Variants in ERI3 observed in about 807,000 individuals in gnomAD.
ERI3 encodes the protein ERI1 exoribonuclease 3.
In ERI3, 18 loss-of-function variants were observed where a neutral mutation model predicts 44.4. The observed-to-expected ratio is 0.41, with a 90% CI of 0.28 to 0.60. The LOEUF (loss-of-function observed/expected upper bound fraction) is 0.60. Among genes scored for constraint, ERI3 ranks in the 20% least tolerant of loss-of-function variants. ERI3 has a pLI of 0.36. For synonymous variants in ERI3, 183 were observed against 164.8 expected, an observed-to-expected ratio of 1.11 and a Z score of -0.84; for missense variants, 294 against 435.5, an observed-to-expected ratio of 0.68 and a Z score of 2.89.
chr1:44,233,176 G>C (rs1644225488), intron 8 of ERI3, among the ~76,000 whole-genome samples: 1 of 152,094 alleles, frequency 6.6e-6, no homozygotes. Context: ...CCAATCTCCA[G>C]TGTTCCTGAT....
chr1:44,314,779 C>T (rs529278800), intron 4 of ERI3, among the ~76,000 whole-genome samples: 6 of 152,270 alleles, frequency 3.9e-5, no homozygotes, highest in Admixed American at 1.3e-4. Flanking sequence ...CGGGCTGGGC[C>T]GCATTACAGG....
chr1:44,287,688 T>C (rs1406869294), intron 6 of ERI3, among the ~76,000 whole-genome samples: 1 of 152,264 alleles, frequency 6.6e-6, no homozygotes, highest in East Asian at 1.9e-4. Flanking sequence ...CCTTAGGAGC[T>C]AGAATGTGGT....
intron 8 of ERI3, among the ~76,000 whole-genome samples, chr1:44,225,138 T>A (rs1178027654): frequency 2.0e-5 from 3 of 152,090 alleles, no homozygotes; most frequent in African/African-American, 7.2e-5. Flanking sequence ...CAGGCTTGCC[T>A]TCCAGCACCT....
chr1:44,319,096 G>C (rs752979228), intron 4 of ERI3, among the ~76,000 whole-genome samples: 59 of 152,202 alleles, frequency 3.9e-4, no homozygotes, highest in Non-Finnish European at 4.1e-4. Flanking sequence ...TACCCACCTA[G>C]GATAAGCAGA....
intron 6 of ERI3, among the ~76,000 whole-genome samples, chr1:44,298,824 G>A (rs1174150559): frequency 6.6e-6 from 1 of 152,234 alleles, no homozygotes; most frequent in Non-Finnish European, 1.5e-5. Context: ...AGGTTGGGGT[G>A]AGAGGATGAC....
chr1:44,302,443 G>A (rs1645746271), intron 6 of ERI3, among the ~76,000 whole-genome samples: 1 of 152,208 alleles, frequency 6.6e-6, no homozygotes, highest in African/African-American at 2.4e-5. Context: ...GTACCAACTG[G>A]TACACCTGTG....
At chr1:44,349,564 A>G (rs1646850944) in intron 2 of ERI3, among the ~76,000 whole-genome samples, 1 of 152,206 alleles carries the variant, frequency 6.6e-6, no homozygotes. Flanking sequence ...GGCTGCCACC[A>G]CAAGCAGCTA....
rs760918764 is a variant in ERI3 at position 44,355,067 on chromosome 1, C to A, written c.-41G>T. 3.8e-5 allele frequency: 51 copies of A among 1,328,460 alleles called. No individual in the cohort carries two copies. The highest frequency in any genetic ancestry group is 4.9e-5 in the Non-Finnish European group (51 of 1,035,022). The allele number at this position is 1,328,460 out of a possible 1,614,324, so 82.3% of individuals were successfully genotyped here. A position where few individuals can be genotyped will look rare whatever the true frequency, so the allele number is the denominator to read the frequency against. On this transcript the variant is annotated 5_prime_UTR_variant, in exon 1 of 9. Transcript: ENST00000372257. ...TCGGGGCCAGCGCGGCAGGCTCCCT[C>A]CAGGTGCAGGCCCCGACGTCTCCCT...
chr1:44,317,307 G>A (rs185398161), intron 4 of ERI3, among the ~76,000 whole-genome samples: 46 of 152,256 alleles, frequency 3.0e-4, no homozygotes, highest in Non-Finnish European at 5.3e-4. Context: ...ATCCCCACCC[G>A]CAAAAGGCAC....
chr1:44,286,611 A>G (rs930411306), intron 6 of ERI3, among the ~76,000 whole-genome samples: 1 of 152,200 alleles, frequency 6.6e-6, no homozygotes, highest in African/African-American at 2.4e-5. Context: ...TTGAGCTAAA[A>G]TGAAACCAGG....
intron 6 of ERI3, among the ~76,000 whole-genome samples, chr1:44,288,843 T>C (rs1422732311): frequency 6.7e-6 from 1 of 150,142 alleles, no homozygotes; most frequent in East Asian, 1.9e-4. Context: ...CACCAATTTC[T>C]CAGAAAAAAA....
intron 7 of ERI3, among the ~76,000 whole-genome samples, chr1:44,262,025 T>C (rs751526079): frequency 5.3e-5 from 8 of 152,196 alleles, no homozygotes; most frequent in East Asian, 1.9e-4. Context: ...TCCTCACATC[T>C]TTCCAACCTT....
At chr1:44,251,317 G>T (rs1439426733) in intron 7 of ERI3, among the ~76,000 whole-genome samples, 1 of 152,204 alleles carries the variant, frequency 6.6e-6, no homozygotes, top group East Asian at 1.9e-4. Flanking sequence ...CAAATGCATC[G>T]GACTTGCCCT....
chr1:44,302,577 T>A (rs11808967), intron 6 of ERI3, among the ~76,000 whole-genome samples: 2 of 152,092 alleles, frequency 1.3e-5, no homozygotes, highest in Non-Finnish European at 2.9e-5. Flanking sequence ...CTTGTAACCC[T>A]GGAAGGAGGC....
At chr1:44,306,976 T>G (rs150290540) in intron 6 of ERI3, among the ~76,000 whole-genome samples, 44 of 152,340 alleles carry the variant, frequency 2.9e-4, no homozygotes, top group African/African-American at 1.0e-3. Context: ...AGGACGCTAT[T>G]AACAAGAACA....
intron 4 of ERI3, among the ~76,000 whole-genome samples, chr1:44,315,733 G>A (rs571554191): frequency 1.4e-4 from 21 of 152,368 alleles, no homozygotes; most frequent in Admixed American, 1.0e-3. Flanking sequence ...ACAGGGGCTT[G>A]AGCAGTTGGC....
intron 3 of ERI3, among the ~76,000 whole-genome samples, chr1:44,324,435 G>A (rs1646265179): frequency 6.9e-6 from 1 of 144,650 alleles, no homozygotes; most frequent in Admixed American, 6.9e-5. Context: ...GTAATCAACT[G>A]TTTGGTTGAT....
chr1:44,304,516 A>G (rs1645794111), intron 6 of ERI3, among the ~76,000 whole-genome samples: 1 of 152,192 alleles, frequency 6.6e-6, no homozygotes, highest in Non-Finnish European at 1.5e-5. Context: ...AGCAATGCCA[A>G]GAGGACTCAG....
At chr1:44,223,325 G>A (rs1295158347) in intron 8 of ERI3, among the ~76,000 whole-genome samples, 1 of 152,166 alleles carries the variant, frequency 6.6e-6, no homozygotes, top group Non-Finnish European at 1.5e-5. Context: ...AGTGGGTGGA[G>A]GAGGGAGGGG....
Sources: allele counts gnomAD v4.1 joint callset (sites outside exome capture counted in the v4.1 genomes callset), GRCh38; gene constraint gnomAD v4.1.1; transcripts MANE v1.5; gene names NCBI Gene and HGNC (gene_info 2026-07-23, HGNC 2026-07-21).